The following MALRD1 variants were observed in gnomAD, a reference collection of about 807,000 sequenced individuals.
MALRD1 encodes the protein MAM and LDL receptor class A domain containing 1.
MALRD1 carries 247 observed loss-of-function variants against 242.1 expected under a neutral mutation model. That is an observed-to-expected ratio of 1.02 (90% CI 0.92 to 1.13). The LOEUF (loss-of-function observed/expected upper bound fraction) is 1.13, where lower values mean the gene tolerates loss of function less well. MALRD1 is among the 50% of genes most tolerant of loss of function. MALRD1 has a pLI of 0.00. For synonymous variants in MALRD1, 995 were observed against 866.6 expected (o/e 1.15, Z -2.60); for missense variants, 2,989 against 2,533.1 (o/e 1.18, Z -3.86).
chr10:19,239,846 C>G (rs1482826636), intron 18 of MALRD1, among the ~76,000 whole-genome samples: 2 of 152,038 alleles, frequency 1.3e-5, no homozygotes, highest in Admixed American at 6.6e-5. Flanking sequence ...ATATTCTGTT[C>G]CATTGGTCTA....
At chr10:19,661,736 TAACA>T (rs1187194839) in intron 36 of MALRD1, among the ~76,000 whole-genome samples, 3 of 152,126 alleles carry the variant, frequency 2.0e-5, no homozygotes, top group Non-Finnish European at 1.5e-5. Flanking sequence ...TATACATATG[TAACA>T]AACCTGCACG....
intron 26 of MALRD1, among the ~76,000 whole-genome samples, chr10:19,370,113 G>T (rs935107817): frequency 1.3e-5 from 2 of 151,952 alleles, no homozygotes; most frequent in Non-Finnish European, 2.9e-5. Flanking sequence ...TTGAAATGAC[G>T]CTCATTTACC....
chr10:19,313,268 T>G (rs2131996619), intron 21 of MALRD1, among the ~76,000 whole-genome samples: 1 of 147,982 alleles, frequency 6.8e-6, no homozygotes, highest in Admixed American at 6.9e-5. Flanking sequence ...CTTCTCAGAT[T>G]TATTGAAAAT....
At chr10:19,490,798 T>G (rs1431183932) in intron 29 of MALRD1, among the ~76,000 whole-genome samples, 1 of 152,232 alleles carries the variant, frequency 6.6e-6, no homozygotes, top group East Asian at 1.9e-4. Flanking sequence ...CTTGACTATT[T>G]TTTTATACGA....
chr10:19,231,463 C>A (rs1331709296), intron 18 of MALRD1, among the ~76,000 whole-genome samples: 1 of 152,124 alleles, frequency 6.6e-6, no homozygotes, highest in Admixed American at 6.5e-5. Flanking sequence ...TGTGTCTCTG[C>A]CTGAATCTCA....
intron 18 of MALRD1, 103 bp from the exon 19 acceptor site, chr10:19,257,581 A>G (rs1839571764): frequency 6.7e-6 from 6 of 891,016 alleles, no homozygotes; most frequent in Non-Finnish European, 9.9e-6. Context: ...ACAGAAGGTT[A>G]TATTTGGGTA....
In MALRD1 at chr10:19,062,944, A is replaced by G. The variant is rs77135154; in HGVS notation, c.200-3775A>G. ...GTGGAATGCTTGAACCCAGAAGTTC[A>G]AGATTAGCCTGAGTAACATGGCAAA... On this transcript the variant is annotated intron_variant, in intron 1 of 39. Transcript: ENST00000454679. 3.6e-3 allele frequency among the ~76,000 whole-genome samples: 552 copies of G among 152,248 alleles called. 5 individuals carry two copies. Among genetic ancestry groups the G allele is most frequent in the East Asian group, 0.021 (110 of 5,176 alleles).
intron 36 of MALRD1, among the ~76,000 whole-genome samples, chr10:19,631,249 G>A (rs1315107120): frequency 1.3e-5 from 2 of 152,132 alleles, no homozygotes. Flanking sequence ...GTGGAATGTA[G>A]TTTTTTGTTC....
In MALRD1 at chr10:19,168,272, G is replaced by A. The variant is rs1013402984; in HGVS notation, c.1830+2462G>A. On this transcript the variant is annotated intron_variant, in intron 13 of 39. Transcript: ENST00000454679. ...CAAAGGCTGGTCATGGAATCATTTTGGTGTCAATCTCCATTGCAAGGAGCA... is the reference window on the plus strand; with the variant it reads ...CAAAGGCTGGTCATGGAATCATTTTAGTGTCAATCTCCATTGCAAGGAGCA... Among the ~76,000 whole-genome samples the A allele has an allele frequency of 5.3e-5, 8 of 152,242 alleles. No individual in the cohort carries two copies. In the East Asian group the frequency reaches 1.5e-3, roughly 29 times the overall value.
intron 32 of MALRD1, among the ~76,000 whole-genome samples, chr10:19,552,689 A>G (rs551781264): frequency 6.6e-6 from 1 of 151,692 alleles, no homozygotes; most frequent in Non-Finnish European, 1.5e-5. Context: ...TGAATTGATT[A>G]TCGTAGAAAT....
At chr10:19,348,675 G>C (rs1844236025) in intron 25 of MALRD1, among the ~76,000 whole-genome samples, 1 of 152,076 alleles carries the variant, frequency 6.6e-6, no homozygotes, top group South Asian at 2.1e-4. Context: ...TGTATTTACA[G>C]GGTTTTCCAC....
rs889482679 is a variant in MALRD1, at chr10:19,331,414, G to A, written c.3733G>A (p.Ala1245Thr). ...KRGISYIGDV[A>T]VDDISFQDCS... ...TGGTATCAGTTACATAGGAGATGTA[G>A]CAGTGGATGATATTTCCTTCCAAGA... Residue 1245 changes from alanine to threonine, a missense_variant, in exon 24 of 40, where the codon GCA becomes ACA. By Grantham distance (58) the Ala-to-Thr change is moderately conservative. Transcript: ENST00000454679. The A allele has an allele frequency of 3.2e-6, 5 of 1,550,404 alleles. No homozygotes were observed. In the African/African-American group the frequency reaches 4.1e-5, roughly 13 times the overall value.
chr10:19,185,328 T>C (rs1161186542), intron 14 of MALRD1, among the ~76,000 whole-genome samples: 1 of 152,156 alleles, frequency 6.6e-6, no homozygotes, highest in Non-Finnish European at 1.5e-5. Context: ...TTTATTTCTG[T>C]CTAAAACCTA....
intron 14 of MALRD1, among the ~76,000 whole-genome samples, chr10:19,191,816 G>A (rs1247050059): frequency 6.6e-6 from 1 of 152,024 alleles, no homozygotes; most frequent in African/African-American, 2.4e-5. Flanking sequence ...TGGCCAACAT[G>A]GTGAAATCCC....
At chr10:19,164,956 T>C (rs1005464111) in intron 12 of MALRD1, among the ~76,000 whole-genome samples, 11 of 152,116 alleles carry the variant, frequency 7.2e-5, no homozygotes, top group Non-Finnish European at 1.2e-4. Context: ...TATTTGTTAA[T>C]GCTACCACAG....
intron 19 of MALRD1, among the ~76,000 whole-genome samples, chr10:19,277,537 T>C (rs1840589991): frequency 6.6e-6 from 1 of 152,160 alleles, no homozygotes; most frequent in African/African-American, 2.4e-5. Context: ...CTTTTCTTTT[T>C]AATGTTTACT....
At position 19,734,393 on chromosome 10, in the gene MALRD1, T is replaced by C. The variant is rs2131951574; in HGVS notation, c.*156T>C. 1 of 568,072 alleles carries C rather than the reference T, an allele frequency of 1.8e-6. No individual in the cohort carries two copies. The highest frequency in any genetic ancestry group is 2.9e-5 in the South Asian group (1 of 34,914). The allele number at this position is 568,072 out of a possible 1,614,324, so 35.2% of individuals were successfully genotyped here. ...TTTATGAATGAATTTTCTTGCAGAA[T>C]ATAGAGAATGTTTATATGGAATCAG... On this transcript the variant is annotated 3_prime_UTR_variant, in exon 40 of 40. Transcript: ENST00000454679.
At chr10:19,272,311 A>G (rs540990993) in intron 19 of MALRD1, among the ~76,000 whole-genome samples, 60 of 152,180 alleles carry the variant, frequency 3.9e-4, no homozygotes, top group Non-Finnish European at 6.6e-4. Flanking sequence ...ACAAAAAGAC[A>G]TTTCACAGAC....
At chr10:19,475,922 A>G (rs4748589) in intron 29 of MALRD1, among the ~76,000 whole-genome samples, 131,225 of 152,240 alleles carry the variant, frequency 0.86, 56,719 homozygotes, top group East Asian at 1. Context: ...TGGGAAAGTT[A>G]TATTTCCTTG....
Sources: gnomAD v4.1 joint callset for allele counts (sites outside exome capture counted in the v4.1 genomes callset) on GRCh38, gnomAD v4.1.1 for gene constraint, MANE v1.5 for transcripts, NCBI Gene and HGNC (gene_info 2026-07-23, HGNC 2026-07-21) for gene names.